The following STAG1 variants were observed in gnomAD, a reference collection of about 807,000 sequenced individuals.
STAG1 encodes the protein cohesin subunit SA-1.
STAG1 carries 26 observed loss-of-function variants against 170.9 expected under a neutral mutation model. The ratio of observed to expected loss-of-function variants is 0.15; its 90% CI spans 0.11 to 0.21. The LOEUF (loss-of-function observed/expected upper bound fraction) is 0.21, where lower values mean the gene tolerates loss of function less well. STAG1 is among the 10% of genes least tolerant of loss of function. STAG1 has a pLI of 1.00. For missense variants in STAG1, 964 were observed against 1,509.5 expected (o/e 0.64, Z 5.99); for synonymous variants, 514 against 497.7 (o/e 1.03, Z -0.44).
At chr3:136,740,973 G>T (rs574248593) in intron 1 of STAG1, among the ~76,000 whole-genome samples, 1 of 152,170 alleles carries the variant, frequency 6.6e-6, no homozygotes, top group South Asian at 2.1e-4. Flanking sequence ...GGGAAACTGA[G>T]AAAATTCACT....
At chr3:136,635,474 C>T (rs1447300962) in intron 1 of STAG1, among the ~76,000 whole-genome samples, 2 of 152,090 alleles carry the variant, frequency 1.3e-5, no homozygotes, top group Non-Finnish European at 2.9e-5. Context: ...ATTCTCAACT[C>T]GATAAAGAGT....
intron 15 of STAG1, among the ~76,000 whole-genome samples, chr3:136,434,117 C>A (rs1273956594): frequency 2.6e-5 from 4 of 152,084 alleles, no homozygotes; most frequent in Admixed American, 2.0e-4. Context: ...TACTTATGGT[C>A]ATTCAAATAA....
intron 4 of STAG1, among the ~76,000 whole-genome samples, chr3:136,588,701 C>G (rs1052157180): frequency 2.0e-5 from 3 of 151,894 alleles, no homozygotes; most frequent in African/African-American, 7.3e-5. Flanking sequence ...CATCTCAACT[C>G]ACCACAACCT....
At chr3:136,689,595 C>T (rs1367274193) in intron 1 of STAG1, among the ~76,000 whole-genome samples, 1 of 152,190 alleles carries the variant, frequency 6.6e-6, no homozygotes, top group African/African-American at 2.4e-5. Context: ...TGTTTTTCAG[C>T]TTCTGGAGCC....
At chr3:136,622,111 A>G (rs1559914721) in intron 3 of STAG1, among the ~76,000 whole-genome samples, 1 of 143,946 alleles carries the variant, frequency 6.9e-6, no homozygotes, top group African/African-American at 2.5e-5. Flanking sequence ...CAGCCTGGCC[A>G]ACATGACGAA....
chr3:136,632,307 C>A (rs986202498), intron 1 of STAG1, among the ~76,000 whole-genome samples: 2 of 152,100 alleles, frequency 1.3e-5, no homozygotes, highest in African/African-American at 4.8e-5. Context: ...ATAAAACTTA[C>A]AAAGAGAGGG....
chr3:136,365,939 C>G (rs1432535064), intron 25 of STAG1, among the ~76,000 whole-genome samples: 2 of 151,440 alleles, frequency 1.3e-5, no homozygotes, highest in African/African-American at 4.9e-5. Flanking sequence ...GTCTTCCTTC[C>G]CATGCTCATC....
At chr3:136,713,497 C>T (rs534484385) in intron 1 of STAG1, among the ~76,000 whole-genome samples, 3 of 150,892 alleles carry the variant, frequency 2.0e-5, no homozygotes, top group South Asian at 4.2e-4. Flanking sequence ...GCAGAAGAAT[C>T]GCTTGAATCC....
chr3:136,613,778 G>A (rs962436394), intron 3 of STAG1, among the ~76,000 whole-genome samples: 1 of 152,154 alleles, frequency 6.6e-6, no homozygotes, highest in Non-Finnish European at 1.5e-5. Context: ...GTGCGCCACT[G>A]TGCCCGGCCA....
chr3:136,455,282 C>G (rs2089076019), intron 13 of STAG1, among the ~76,000 whole-genome samples: 1 of 152,174 alleles, frequency 6.6e-6, no homozygotes, highest in Admixed American at 6.5e-5. Context: ...TATGCTAGAA[C>G]TCTGAAGAGA....
chr3:136,405,534 G>A (rs1466134672), intron 21 of STAG1, among the ~76,000 whole-genome samples: 1 of 151,404 alleles, frequency 6.6e-6, no homozygotes, highest in African/African-American at 2.4e-5. Context: ...AGGACACCGC[G>A]TCCAGCCTCA....
chr3:136,743,378 A>AG (rs1934774768), intron 1 of STAG1, among the ~76,000 whole-genome samples: 1 of 151,336 alleles, frequency 6.6e-6, no homozygotes, highest in African/African-American at 2.5e-5. Context: ...CAAAAAAAAA[A>AG]AATAATAATA....
chr3:136,368,152 A>T (rs959225748), intron 24 of STAG1, among the ~76,000 whole-genome samples: 3 of 152,150 alleles, frequency 2.0e-5, no homozygotes, highest in African/African-American at 7.2e-5. Context: ...ATGAATATAG[A>T]CTCTAAATAA....
At position 136,477,348 on chromosome 3, in the gene STAG1, T is replaced by C. The variant is rs1323081483; in HGVS notation, c.967A>G (p.Ser323Gly). 1 of 1,613,050 alleles carries C rather than the reference T, an allele frequency of 6.2e-7. No homozygotes were observed. The highest frequency in any genetic ancestry group is 8.5e-7 in the Non-Finnish European group (1 of 1,179,684). ...EEIGVWMKMY[S>G]DAFLNDSYLK... The stretch of plus-strand genomic sequence containing the variant: ...TAACTGTCATTTAGGAAGGCATCAC[T>C]ATACATTTTCATCCATACTCCAATT... Residue 323 changes from serine (S) to glycine (G), a missense_variant, in exon 10 of 34, where the codon AGT (serine) becomes GGT (glycine). Around this residue, in one of 11 missense-constraint regions of STAG1, gnomAD observed 57 missense variants for 157.6 expected, o/e 0.36. Coordinates refer to ENST00000383202, the MANE Select transcript of STAG1 (RefSeq NM_005862.3).
At chr3:136,714,948 TATATA>T (rs1420215135) in intron 1 of STAG1, among the ~76,000 whole-genome samples, 4 of 75,224 alleles carry the variant, frequency 5.3e-5, no homozygotes, top group Non-Finnish European at 9.3e-5. Context: ...AATATATATA[TATATA>T]TATATATATA....
rs550515870 is a variant in STAG1, at chr3:136,688,399, AT to A, written c.-83-57419del. Among the ~76,000 whole-genome samples the A allele has an allele frequency of 3.5e-3, 530 of 149,998 alleles. 1 individual carries two copies. Among genetic ancestry groups the A allele is most frequent in the South Asian group, 6.0e-3 (28 of 4,704 alleles). On this transcript the variant is annotated intron_variant, in intron 1 of 33. Transcript: ENST00000383202. Reference sequence around the variant, plus strand: ...GTTCTACCAAAGTACAAAAAGTTTAATTTTTTTTTTCTTTTTTTGAGACAGA... The same window carrying A: ...GTTCTACCAAAGTACAAAAAGTTTAATTTTTTTTTCTTTTTTTGAGACAGA...
intron 13 of STAG1, among the ~76,000 whole-genome samples, chr3:136,464,249 C>G (rs534821455): frequency 6.6e-6 from 1 of 151,486 alleles, no homozygotes; most frequent in African/African-American, 2.4e-5. Context: ...CATGGAGAAA[C>G]CCTGTCTCTA....
chr3:136,533,406 A>C (rs1935473319), intron 6 of STAG1, among the ~76,000 whole-genome samples: 1 of 152,114 alleles, frequency 6.6e-6, no homozygotes. Context: ...TACTATAAAG[A>C]AATACCCAAG....
chr3:136,603,802 G>T (rs1938803790), intron 4 of STAG1, among the ~76,000 whole-genome samples: 2 of 152,086 alleles, frequency 1.3e-5, no homozygotes, highest in African/African-American at 4.8e-5. Context: ...CAGGGGAATG[G>T]CGTGAACCCG....
Sources: gnomAD v4.1 joint callset for allele counts (sites outside exome capture counted in the v4.1 genomes callset) on GRCh38, gnomAD v4.1.1 for gene constraint, gnomAD v4.1.1 regional missense constraint, MANE v1.5 for transcripts, NCBI Gene and HGNC (gene_info 2026-07-23, HGNC 2026-07-21) for gene names.